The following DDR2 variants were observed in gnomAD, a reference collection of about 807,000 sequenced individuals.
DDR2 encodes discoidin domain receptor tyrosine kinase 2, also known as discoidin domain-containing receptor 2.
In DDR2, 27 loss-of-function variants were observed where a neutral mutation model predicts 94.9. The ratio of observed to expected loss-of-function variants is 0.28; its 90% confidence interval spans 0.21 to 0.39. The LOEUF (loss-of-function observed/expected upper bound fraction) is 0.39. DDR2 is among the 10% of genes least tolerant of loss of function. The pLI is 1.00. For synonymous variants in DDR2, 382 were observed against 377.2 expected (o/e 1.01, Z -0.15); for missense variants, 783 against 1,076.0 (o/e 0.73, Z 3.81).
intron 3 of DDR2, among the ~76,000 whole-genome samples, chr1:162,726,926 G>A (rs946279303): frequency 2.6e-5 from 4 of 151,262 alleles, no homozygotes; most frequent in African/African-American, 9.7e-5. Context: ...GGGGCTTCAA[G>A]CCCATAAGAT....
intron 2 of DDR2, among the ~76,000 whole-genome samples, chr1:162,684,321 T>C (rs1319637542): frequency 6.6e-6 from 1 of 152,212 alleles, no homozygotes; most frequent in Non-Finnish European, 1.5e-5. Flanking sequence ...CTTTCTTTTT[T>C]AAGCATAAGG....
At chr1:162,718,185 T>A (rs928007459) in intron 2 of DDR2, among the ~76,000 whole-genome samples, 1 of 152,194 alleles carries the variant, frequency 6.6e-6, no homozygotes, top group African/African-American at 2.4e-5. Context: ...TCATACCCCA[T>A]CATCTTTTTG....
intron 12 of DDR2, among the ~76,000 whole-genome samples, chr1:162,771,162 C>T (rs1400227437): frequency 2.0e-5 from 3 of 152,124 alleles, no homozygotes; most frequent in Admixed American, 6.5e-5. Context: ...ATTCAAATTT[C>T]GATGTCTTTC....
intron 17 of DDR2, among the ~76,000 whole-genome samples, chr1:162,779,025 T>G (rs1406634349): frequency 6.6e-6 from 1 of 152,244 alleles, no homozygotes; most frequent in Non-Finnish European, 1.5e-5. Flanking sequence ...ATTTATCTAT[T>G]TCTTGATCTA....
At chr1:162,765,858 G>T (rs1380357036) in intron 9 of DDR2, 143 bp from the exon 10 acceptor site, 1 of 781,186 alleles carries the variant, frequency 1.3e-6, no homozygotes, top group African/African-American at 1.7e-5. Flanking sequence ...TTTATTCAAC[G>T]TATTTATGAT....
At chr1:162,688,946 G>C (rs891470968) in intron 2 of DDR2, among the ~76,000 whole-genome samples, 1 of 152,206 alleles carries the variant, frequency 6.6e-6, no homozygotes, top group East Asian at 1.9e-4. Context: ...TTTCACTGAT[G>C]ATGAAGCCTC....
chr1:162,713,786 T>C (rs1166737676), intron 2 of DDR2, among the ~76,000 whole-genome samples: 1 of 152,218 alleles, frequency 6.6e-6, no homozygotes. Flanking sequence ...TTAAAAAATA[T>C]ATTGCAAAGC....
At position 162,784,149 on chromosome 1, in the gene DDR2, C is replaced by A. The variant is rs1271558286; in HGVS notation, c.*3903C>A. 1 of 152,124 alleles carries A rather than the reference C, an allele frequency of 6.6e-6. No homozygotes were observed. Among genetic ancestry groups the A allele is most frequent in the Admixed American group, 6.6e-5 (1 of 15,264 alleles). The allele number at this position is 152,124 out of a possible 1,614,324, so 9.4% of individuals were successfully genotyped here. A position where few individuals can be genotyped will look rare whatever the true frequency, so the allele number is the denominator to read the frequency against. On this transcript the variant is annotated 3_prime_UTR_variant, in exon 18 of 18. Transcript: ENST00000367921. ...ATGTGTTTTCCTAGTCCCATCCAGGCTTCCCACAAGAAAGCCATGATGTGG... is the reference window on the plus strand; with the variant it reads ...ATGTGTTTTCCTAGTCCCATCCAGGATTCCCACAAGAAAGCCATGATGTGG...
At chr1:162,667,302 C>T (rs1386372760) in intron 2 of DDR2, among the ~76,000 whole-genome samples, 1 of 152,096 alleles carries the variant, frequency 6.6e-6, no homozygotes, top group Admixed American at 6.6e-5. Flanking sequence ...GAAGAAAGGA[C>T]AGAAATTGTT....
At chr1:162,699,547 G>A (rs1031137506) in intron 2 of DDR2, among the ~76,000 whole-genome samples, 7 of 152,196 alleles carry the variant, frequency 4.6e-5, no homozygotes, top group East Asian at 1.9e-4. Context: ...AGGACAGCTC[G>A]AGGCTAAATG....
intron 4 of DDR2, among the ~76,000 whole-genome samples, chr1:162,753,822 T>C (rs1376985567): frequency 1.3e-5 from 2 of 152,184 alleles, no homozygotes; most frequent in Non-Finnish European, 2.9e-5. Context: ...TGGAATCTTA[T>C]TATTTTGTGA....
At position 162,643,900 on chromosome 1, in the gene DDR2, T is replaced by A. The variant is rs186718090; in HGVS notation, c.-192+11269T>A. Among the ~76,000 whole-genome samples, 5 of 152,176 alleles carry A rather than the reference T, an allele frequency of 3.3e-5. No individual in the cohort carries two copies. In the East Asian group the frequency reaches 9.6e-4, roughly 29 times the overall value. ...GGGCAAGGAGAAGCCTGGGAAGGAGTTCTTGGGTAGTTAAATTGGAAAAAG... is the reference window on the plus strand; with the variant it reads ...GGGCAAGGAGAAGCCTGGGAAGGAGATCTTGGGTAGTTAAATTGGAAAAAG... On this transcript the variant is annotated intron_variant, in intron 1 of 17. Coordinates refer to ENST00000367921, the MANE Select transcript of DDR2 (RefSeq NM_006182.4).
At chr1:162,735,368 A>T (rs776757526) in intron 3 of DDR2, among the ~76,000 whole-genome samples, 14 of 152,170 alleles carry the variant, frequency 9.2e-5, no homozygotes, top group Non-Finnish European at 2.1e-4. Flanking sequence ...GTCCTCCCCT[A>T]CTTCCTCTAG....
At chr1:162,749,618 T>C (rs186586503) in intron 3 of DDR2, among the ~76,000 whole-genome samples, 1 of 152,306 alleles carries the variant, frequency 6.6e-6, no homozygotes, top group East Asian at 1.9e-4. Flanking sequence ...ACTATTCCAG[T>C]CAATAGAAAT....
chr1:162,637,398 A>C (rs758344208), intron 1 of DDR2, among the ~76,000 whole-genome samples: 1 of 152,066 alleles, frequency 6.6e-6, no homozygotes, highest in Non-Finnish European at 1.5e-5. Flanking sequence ...ATTTTTTATA[A>C]TTTTTAAAAA....
At chr1:162,645,943 T>C (rs1657385389) in intron 1 of DDR2, among the ~76,000 whole-genome samples, 2 of 152,204 alleles carry the variant, frequency 1.3e-5, no homozygotes, top group African/African-American at 4.8e-5. Flanking sequence ...TATAAGCTGG[T>C]ATGTGTTAGT....
intron 3 of DDR2, among the ~76,000 whole-genome samples, chr1:162,731,155 C>T (rs1173659005): frequency 6.6e-6 from 1 of 152,124 alleles, no homozygotes; most frequent in Non-Finnish European, 1.5e-5. Flanking sequence ...CACACTACTC[C>T]ATCCCACCTA....
chr1:162,759,771 C>T (rs2102149126), intron 7 of DDR2, 25 bp from the exon 8 acceptor site: 1 of 1,613,164 alleles, frequency 6.2e-7, no homozygotes, highest in African/African-American at 1.3e-5. Flanking sequence ...CTCTCCTTTT[C>T]CTCCTCTTCT....
intron 2 of DDR2, among the ~76,000 whole-genome samples, chr1:162,660,363 C>T (rs886143270): frequency 7.4e-6 from 1 of 134,738 alleles, no homozygotes; most frequent in Non-Finnish European, 1.6e-5. Context: ...TGGGACCCCC[C>T]GTACTTATGT....
Sources: gnomAD v4.1 joint callset for allele counts (sites outside exome capture counted in the v4.1 genomes callset) on GRCh38, gnomAD v4.1.1 for gene constraint, MANE v1.5 for transcripts, NCBI Gene and HGNC (gene_info 2026-07-23, HGNC 2026-07-21) for gene names.